PKN2: variants seen among roughly 807,000 people sequenced by gnomAD.
PKN2 encodes the protein protein kinase N2.
A neutral mutation model predicts 119.1 loss-of-function variants in PKN2; 38 were observed. The observed-to-expected ratio is 0.32, with a 90% confidence interval of 0.25 to 0.42. The LOEUF (loss-of-function observed/expected upper bound fraction) is 0.42. PKN2 is among the 10% of genes least tolerant of loss of function. The pLI is 1.00. For synonymous variants in PKN2, 390 were observed against 384.9 expected (o/e 1.01, Z -0.15); for missense variants, 850 against 1,165.1 (o/e 0.73, Z 3.94).
chr1:88,813,693 A>G lies in PKN2; in HGVS notation c.2239A>G (p.Met747Val). 3 of 1,606,894 alleles carry G rather than the reference A, an allele frequency of 1.9e-6. No homozygotes were observed. Among genetic ancestry groups the G allele is most frequent in the Non-Finnish European group, 2.5e-6 (3 of 1,177,642 alleles). ...ATATGCTGCCGGTGGGGACCTAATG[A>G]TGCACATTCATACTGATGTCTTTTC... is the stretch of plus-strand genomic sequence containing the variant. Reference protein sequence around the residue: ...MEYAAGGDLMMHIHTDVFSEP... With the variant: ...MEYAAGGDLMVHIHTDVFSEP... The change falls in exon 16 of 22, where the codon ATG becomes GTG. Residue 747 changes from methionine to valine, a missense_variant. By Grantham distance (21) the Met-to-Val change is conservative. This residue lies in a region of PKN2 where 55 missense variants were observed against 85.9 expected (regional missense o/e 0.64). Transcript: ENST00000370521.
chr1:88,832,286 T>C (rs1408915964), intron 19 of PKN2, among the ~76,000 whole-genome samples: 3 of 152,008 alleles, frequency 2.0e-5, no homozygotes, highest in African/African-American at 7.2e-5. Context: ...CATATTAACC[T>C]TATCCATTTT....
intron 6 of PKN2, among the ~76,000 whole-genome samples, chr1:88,778,057 G>A (rs11803611): frequency 0.057 from 8,659 of 152,004 alleles, 479 homozygotes; most frequent in African/African-American, 0.14. Context: ...GAATCCACCC[G>A]TGACCTGAAA....
chr1:88,712,995 G>T (rs1302397050), intron 1 of PKN2, among the ~76,000 whole-genome samples: 2 of 151,644 alleles, frequency 1.3e-5, no homozygotes, highest in Admixed American at 1.3e-4. Context: ...TCATTGTTCA[G>T]TTCCCACCTA....
At chr1:88,708,372 T>C (rs1250528328) in intron 1 of PKN2, among the ~76,000 whole-genome samples, 1 of 152,166 alleles carries the variant, frequency 6.6e-6, no homozygotes, top group African/African-American at 2.4e-5. Flanking sequence ...TATAAGATAT[T>C]TCAAAGTCTT....
chr1:88,790,050 G>T (rs949644868), intron 8 of PKN2, among the ~76,000 whole-genome samples: 1 of 152,156 alleles, frequency 6.6e-6, no homozygotes, highest in African/African-American at 2.4e-5. Context: ...CTCTATGTAA[G>T]CAGGTATGCT....
intron 3 of PKN2, among the ~76,000 whole-genome samples, chr1:88,762,960 A>G (rs1669506806): frequency 1.3e-5 from 2 of 152,322 alleles, no homozygotes; most frequent in South Asian, 2.1e-4. Context: ...CTTACCTGAC[A>G]TATCTGAGGG....
At chr1:88,782,780 A>G (rs1452057623) in intron 6 of PKN2, among the ~76,000 whole-genome samples, 1 of 152,184 alleles carries the variant, frequency 6.6e-6, no homozygotes, top group East Asian at 1.9e-4. Flanking sequence ...TTAAGCCACT[A>G]AGCTTGTAAT....
At chr1:88,815,241 A>G (rs1171813758) in intron 16 of PKN2, among the ~76,000 whole-genome samples, 1 of 152,238 alleles carries the variant, frequency 6.6e-6, no homozygotes, top group East Asian at 1.9e-4. Flanking sequence ...TAAATTATAT[A>G]CAAATAAAAC....
chr1:88,808,600 G>A (rs1019359116), intron 15 of PKN2, among the ~76,000 whole-genome samples: 7 of 152,066 alleles, frequency 4.6e-5, no homozygotes, highest in Admixed American at 3.9e-4. Flanking sequence ...CACCGTGCCC[G>A]GCCCCACAAT....
At chr1:88,823,794 A>T (rs1672388240) in intron 17 of PKN2, among the ~76,000 whole-genome samples, 1 of 150,404 alleles carries the variant, frequency 6.6e-6, no homozygotes, top group African/African-American at 2.4e-5. Flanking sequence ...GCGGATCACG[A>T]GGTCAGAAGT....
At chr1:88,799,312 A>G (rs1298418391) in intron 8 of PKN2, among the ~76,000 whole-genome samples, 1 of 152,132 alleles carries the variant, frequency 6.6e-6, no homozygotes, top group African/African-American at 2.4e-5. Flanking sequence ...TGTATTTCTC[A>G]TCCTCCCATA....
chr1:88,714,063 G>C (rs565588530), intron 1 of PKN2, among the ~76,000 whole-genome samples: 1 of 152,244 alleles, frequency 6.6e-6, no homozygotes, highest in South Asian at 2.1e-4. Context: ...TCTTGTTTCT[G>C]TCTGGTTTGT....
chr1:88,833,710 A>C lies in PKN2; in HGVS notation c.*262A>C. ...TGAACATCGGCCATGAAAATCCATC[A>C]CGAATACTTTTGGATCAATAGTCTA... On this transcript the variant is annotated 3_prime_UTR_variant, in exon 22 of 22. Transcript: ENST00000370521. 2.6e-6 allele frequency: 1 copy of C among 381,908 alleles called. No individual in the cohort carries two copies. Among genetic ancestry groups the C allele is most frequent in the Non-Finnish European group, 4.7e-6 (1 of 214,246 alleles). The allele number at this position is 381,908 out of a possible 1,614,324, so 23.7% of individuals were successfully genotyped here.
chr1:88,707,813 A>G (rs1343924341), intron 1 of PKN2, among the ~76,000 whole-genome samples: 1 of 152,138 alleles, frequency 6.6e-6, no homozygotes, highest in Non-Finnish European at 1.5e-5. Flanking sequence ...TCTAACCAGA[A>G]TATTGAGAGA....
At chr1:88,774,763 C>T (rs758946721) in intron 6 of PKN2, among the ~76,000 whole-genome samples, 1 of 152,022 alleles carries the variant, frequency 6.6e-6, no homozygotes, top group African/African-American at 2.4e-5. Context: ...GGCTGGAGTA[C>T]AGTGGTATGA....
At chr1:88,740,005 A>AG (rs1424064738) in intron 1 of PKN2, among the ~76,000 whole-genome samples, 26 of 152,164 alleles carry the variant, frequency 1.7e-4, no homozygotes, top group Non-Finnish European at 2.5e-4. Flanking sequence ...TGAAAGTATT[A>AG]GGGGAAAAAA....
At chr1:88,800,137 C>A (rs1207636417) in intron 8 of PKN2, among the ~76,000 whole-genome samples, 1 of 152,122 alleles carries the variant, frequency 6.6e-6, no homozygotes, top group Admixed American at 6.6e-5. Flanking sequence ...CCCAGCTCTC[C>A]ACTTCTATCA....
intron 1 of PKN2, among the ~76,000 whole-genome samples, chr1:88,732,554 G>T (rs1161396069): frequency 6.6e-6 from 1 of 152,074 alleles, no homozygotes; most frequent in Non-Finnish European, 1.5e-5. Flanking sequence ...TCTAAAGTTG[G>T]TTTAAAGCCC....
intron 1 of PKN2, among the ~76,000 whole-genome samples, chr1:88,690,588 A>G (rs887303831): frequency 1.3e-5 from 2 of 152,226 alleles, no homozygotes; most frequent in Non-Finnish European, 2.9e-5. Flanking sequence ...ACTAATGAAA[A>G]AGTAATTCCT....
Sources: allele counts gnomAD v4.1 joint callset (sites outside exome capture counted in the v4.1 genomes callset), GRCh38; gene constraint gnomAD v4.1.1; regional missense constraint gnomAD v4.1.1; transcripts MANE v1.5; gene names NCBI Gene and HGNC (gene_info 2026-07-23, HGNC 2026-07-21).